The following CNTLN variants were observed in gnomAD, a reference collection of about 807,000 sequenced individuals.
The protein encoded by CNTLN is centlein, centrosomal protein.
Under a neutral mutation model 180.0 loss-of-function variants are expected in CNTLN, and 212 were observed. That is an observed-to-expected ratio of 1.18 (90% CI 1.05 to 1.32). CNTLN has a LOEUF of 1.32. CNTLN is among the 40% of genes most tolerant of loss of function. CNTLN has a pLI of 0.00. For missense variants in CNTLN, 2,095 were observed against 1,610.9 expected, an observed-to-expected ratio of 1.30 and a Z score of -5.14; for synonymous variants, 722 against 563.1, an observed-to-expected ratio of 1.28 and a Z score of -3.99.
the CNTLN span, among the ~76,000 whole-genome samples, chr9:17,512,909 C>T: frequency 2.6e-5 from 4 of 152,098 alleles, no homozygotes; most frequent in South Asian, 2.1e-4. Context: ...CTCCGCCTCC[C>T]GGGTTCACGC....
At chr9:17,211,459 T>C (rs1347030626) in intron 2 of CNTLN, among the ~76,000 whole-genome samples, 4 of 151,958 alleles carry the variant, frequency 2.6e-5, no homozygotes, top group South Asian at 4.1e-4. Context: ...TTACTGTAGC[T>C]TTGTAGTATA....
chr9:17,362,654 AT>A (rs1823492515), intron 12 of CNTLN, among the ~76,000 whole-genome samples: 1 of 152,040 alleles, frequency 6.6e-6, no homozygotes, highest in African/African-American at 2.4e-5. Context: ...GAACTAATGT[AT>A]TTTCCTGGTA....
At position 17,486,441 on chromosome 9, in the gene CNTLN, A is replaced by T. The variant is rs572554280; in HGVS notation, c.4042-548A>T. On this transcript the variant is annotated intron_variant, in intron 24 of 25. Coordinates refer to ENST00000380647, the MANE Select transcript of CNTLN (RefSeq NM_017738.4). ...CAGAAATATTCTGTCATGATAATTGATGGGTTGAAAATACTTTGTGACCTA... is the reference window on the plus strand; with the variant it reads ...CAGAAATATTCTGTCATGATAATTGTTGGGTTGAAAATACTTTGTGACCTA... Among the ~76,000 whole-genome samples the T allele has an allele frequency of 2.6e-5, 4 of 152,182 alleles. No homozygotes were observed. The South Asian group carries it at 8.3e-4, about 32-fold the overall frequency.
intron 2 of CNTLN, among the ~76,000 whole-genome samples, chr9:17,210,795 T>G (rs998909118): frequency 6.6e-6 from 1 of 152,172 alleles, no homozygotes; most frequent in African/African-American, 2.4e-5. Flanking sequence ...TTGCATTTCT[T>G]TGATGGCCAG....
At chr9:17,361,913 G>T (rs1823425066) in intron 12 of CNTLN, among the ~76,000 whole-genome samples, 1 of 152,204 alleles carries the variant, frequency 6.6e-6, no homozygotes, top group Non-Finnish European at 1.5e-5. Context: ...AGAAACACCA[G>T]TGTAAGTGGA....
At chr9:17,225,391 A>AT (rs1824402176) in intron 2 of CNTLN, among the ~76,000 whole-genome samples, 2 of 151,896 alleles carry the variant, frequency 1.3e-5, no homozygotes, top group South Asian at 4.1e-4. Context: ...ATAGTTTTCT[A>AT]TTTTTGTTTA....
At chr9:17,454,312 A>G (rs1483270224) in intron 18 of CNTLN, among the ~76,000 whole-genome samples, 1 of 152,252 alleles carries the variant, frequency 6.6e-6, no homozygotes, top group Non-Finnish European at 1.5e-5. Flanking sequence ...TTGACTACAC[A>G]TAAATCAATA....
intron 13 of CNTLN, among the ~76,000 whole-genome samples, chr9:17,369,772 A>G (rs543055160): frequency 6.6e-6 from 1 of 151,910 alleles, no homozygotes; most frequent in South Asian, 2.1e-4. Flanking sequence ...GGATCACCTA[A>G]TGTCAGGAAT....
At chr9:17,373,750 A>T (rs1349835710) in intron 13 of CNTLN, among the ~76,000 whole-genome samples, 1 of 152,148 alleles carries the variant, frequency 6.6e-6, no homozygotes, top group Non-Finnish European at 1.5e-5. Flanking sequence ...TACAGTAACT[A>T]AAACAGCATG....
intron 8 of CNTLN, among the ~76,000 whole-genome samples, chr9:17,321,876 C>G (rs1563992530): frequency 6.6e-6 from 1 of 151,966 alleles, no homozygotes; most frequent in Non-Finnish European, 1.5e-5. Flanking sequence ...GAATATCAAT[C>G]TTATACTTTC....
intron 2 of CNTLN, among the ~76,000 whole-genome samples, chr9:17,222,353 C>G (rs1824192644): frequency 6.6e-6 from 1 of 152,020 alleles, no homozygotes; most frequent in Non-Finnish European, 1.5e-5. Context: ...CTCTGCGTCT[C>G]CACCCAAATC....
At chr9:17,352,435 T>A (rs1822460568) in intron 12 of CNTLN, among the ~76,000 whole-genome samples, 1 of 146,796 alleles carries the variant, frequency 6.8e-6, no homozygotes, top group African/African-American at 2.5e-5. Context: ...TTTTTTGGTA[T>A]GTAGAAATGA....
intron 5 of CNTLN, among the ~76,000 whole-genome samples, chr9:17,251,815 T>C (rs952529280): frequency 6.6e-6 from 1 of 151,854 alleles, no homozygotes; most frequent in Non-Finnish European, 1.5e-5. Flanking sequence ...CTGAGTGTGC[T>C]ATCAAACACT....
chr9:17,307,486 T>A (rs1352009909), intron 7 of CNTLN, among the ~76,000 whole-genome samples: 1 of 152,098 alleles, frequency 6.6e-6, no homozygotes, highest in Admixed American at 6.6e-5. Context: ...CCCAGGCTGG[T>A]CTCGAACTCC....
At chr9:17,214,478 GC>G (rs1314036201) in intron 2 of CNTLN, among the ~76,000 whole-genome samples, 1 of 152,160 alleles carries the variant, frequency 6.6e-6, no homozygotes, top group African/African-American at 2.4e-5. Context: ...CTCTCTGGCT[GC>G]CCTTAATATT....
At chr9:17,164,372 A>G (rs1235214307) in intron 2 of CNTLN, among the ~76,000 whole-genome samples, 1 of 151,556 alleles carries the variant, frequency 6.6e-6, no homozygotes, top group Non-Finnish European at 1.5e-5. Flanking sequence ...CAAAAAAAAA[A>G]AAAAACCATT....
intron 2 of CNTLN, among the ~76,000 whole-genome samples, chr9:17,193,954 A>T (rs886329954): frequency 2.6e-5 from 4 of 152,212 alleles, no homozygotes; most frequent in Non-Finnish European, 5.9e-5. Context: ...TCAGCACCAC[A>T]TGGAAGCTGC....
chr9:17,457,125 T>G (rs1459871010), intron 18 of CNTLN, among the ~76,000 whole-genome samples: 1 of 152,128 alleles, frequency 6.6e-6, no homozygotes, highest in African/African-American at 2.4e-5. Flanking sequence ...ACCTACCCAG[T>G]GGAATAAACA....
chr9:17,382,665 T>C (rs1825352833), intron 13 of CNTLN, among the ~76,000 whole-genome samples: 1 of 152,222 alleles, frequency 6.6e-6, no homozygotes, highest in Admixed American at 6.5e-5. Context: ...CAGTATATTT[T>C]ATAAATAAAG....
Sources: allele counts gnomAD v4.1 joint callset (sites outside exome capture counted in the v4.1 genomes callset), GRCh38; gene constraint gnomAD v4.1.1; transcripts MANE v1.5; gene names NCBI Gene and HGNC (gene_info 2026-07-23, HGNC 2026-07-21).